ABCF2: variants seen among roughly 807,000 people sequenced by gnomAD.
The protein encoded by ABCF2 is ATP binding cassette subfamily F member 2, also known as ATP-binding cassette sub-family F member 2.
Under a neutral mutation model 76.9 loss-of-function variants are expected in ABCF2, and 37 were observed. The ratio of observed to expected loss-of-function variants is 0.48; its 90% CI spans 0.37 to 0.63. The LOEUF (loss-of-function observed/expected upper bound fraction) is 0.63, where lower values mean the gene tolerates loss of function less well. Among genes scored for constraint, ABCF2 ranks in the 30% least tolerant of loss-of-function variants. The pLI is 0.00. For missense variants in ABCF2, 524 were observed against 782.1 expected, an observed-to-expected ratio of 0.67 and a Z score of 3.94; for synonymous variants, 299 against 283.7, an observed-to-expected ratio of 1.05 and a Z score of -0.54.
chr7:151,225,086 C>G, intron 2 of ABCF2, 98 bp from the exon 3 acceptor site: 1 of 1,081,774 alleles, frequency 9.2e-7, no homozygotes, highest in South Asian at 1.3e-5. Flanking sequence ...TCCTGCTGAG[C>G]ACTCAGATGT....
At chr7:151,219,261 C>T (rs1802218983) in intron 7 of ABCF2, 102 bp from the exon 8 acceptor site, 5 of 982,616 alleles carry the variant, frequency 5.1e-6, no homozygotes, top group Non-Finnish European at 6.5e-6. Flanking sequence ...ACTAACTTGG[C>T]CCTGGCTCTA....
At chr7:151,226,664 A>C in intron 1 of ABCF2, 164 bp from the exon 2 acceptor site, 3 of 514,080 alleles carry the variant, frequency 5.8e-6, no homozygotes, top group Non-Finnish European at 6.8e-6. Flanking sequence ...TCCCAAACCA[A>C]TGCCGATTCT....
At chr7:151,218,037 A>C (rs778772811) in intron 11 of ABCF2, 44 bp downstream of exon 11, 9 of 1,390,808 alleles carry the variant, frequency 6.5e-6, no homozygotes, top group African/African-American at 2.9e-5. Context: ...TAACCATCGC[A>C]AGGCCTAATC....
chr7:151,220,326 T>C (rs1473115339), intron 7 of ABCF2, among the ~76,000 whole-genome samples: 2 of 145,442 alleles, frequency 1.4e-5, no homozygotes, highest in Admixed American at 7.1e-5. Context: ...GAGGTGGAGG[T>C]TGCAGTGAGC....
chr7:151,215,767 G>A lies in ABCF2; in HGVS notation c.1402-35C>T. ...AAATGGAAGCCACCCGGGTGTGACT[G>A]GCATCCCGCTTCAAAATAAACCCTA... is the stretch of plus-strand genomic sequence containing the variant. On this transcript the variant is annotated intron_variant, in intron 12 of 14. Transcript: ENST00000287844. This position sits in a 1 kb window ranked among gnomAD's most constrained non-coding sequence, Gnocchi z 4.6. 1.2e-6 allele frequency: 2 copies of A among 1,613,892 alleles called. No individual in the cohort carries two copies. The highest frequency in any genetic ancestry group is 1.7e-6 in the Non-Finnish European group (2 of 1,179,860).
intron 11 of ABCF2, among the ~76,000 whole-genome samples, chr7:151,216,796 G>A (rs1028650798): frequency 1.3e-5 from 2 of 152,168 alleles, no homozygotes; most frequent in Non-Finnish European, 2.9e-5. Context: ...TTACAGGTGT[G>A]AGCCACGGCA....
chr7:151,226,597 C>T lies in ABCF2; in HGVS notation c.-42-97G>A, dbSNP rs542198184. 103 of 962,652 alleles carry T rather than the reference C, an allele frequency of 1.1e-4. 1 individual carries two copies. In the South Asian group the frequency reaches 1.6e-3, roughly 15 times the overall value. 59.6% of individuals were successfully genotyped at this position (962,652 alleles called of 1,614,324 possible). A position where few individuals can be genotyped will look rare whatever the true frequency, so the allele number is the denominator to read the frequency against. On this transcript the variant is annotated intron_variant, in intron 1 of 14. Transcript: ENST00000287844. ...CTCTCAGGAATCTTCGTATCAACAT[C>T]AAGCCTCTGATGCCCTGGCCTGCCC...
Position 151,221,630 on chromosome 7 carries a change from C to A in ABCF2, c.869G>T (p.Gly290Val). 2 of 1,612,816 alleles carry A rather than the reference C, an allele frequency of 1.2e-6. No individual in the cohort carries two copies. The highest frequency in any genetic ancestry group is 1.7e-6 in the Non-Finnish European group (2 of 1,178,986). ...CATGTGAATGATATTGGTACAGACA[C>A]CATTCAGAAAATCCTGGGAATGGGA... ...LVSHSQDFLN[G>V]VCTNIIHMHN... The change falls in exon 7 of 15, where the codon GGT becomes GTT. Residue 290 changes from glycine (G) to valine (V), a missense_variant. Around this residue, in one of 2 missense-constraint regions of ABCF2, gnomAD observed 330 missense variants for 433.6 expected, o/e 0.76. Coordinates refer to ENST00000287844, the MANE Select transcript of ABCF2 (RefSeq NM_007189.3).
At chr7:151,221,747 GAA>G (rs1480212458) in intron 6 of ABCF2, 67 bp from the exon 7 acceptor site, 1 of 1,210,600 alleles carries the variant, frequency 8.3e-7, no homozygotes. Context: ...CAGGTGAACT[GAA>G]AGTCAGGCCC....
In ABCF2 at chr7:151,215,864, G is replaced by A. The variant is rs1802140279; in HGVS notation, c.1401+103C>T. On this transcript the variant is annotated intron_variant, in intron 12 of 14. Transcript: ENST00000287844. The surrounding 1 kb of genome is among the most constrained non-coding windows in gnomAD (Gnocchi z 4.6). ...GAAGCAGGTAGGAGCCACCTAGGCT[G>A]GAATTCCTGCCAGGGGGTGGGGGCG... is the stretch of plus-strand genomic sequence containing the variant. 5 of 1,585,940 alleles carry A rather than the reference G, an allele frequency of 3.2e-6. No homozygotes were observed. The South Asian group carries it at 4.5e-5, about 14-fold the overall frequency.
chr7:151,224,193 A>T, intron 3 of ABCF2, 79 bp from the exon 4 acceptor site: 1 of 1,436,968 alleles, frequency 7.0e-7, no homozygotes, highest in Non-Finnish European at 9.5e-7. Flanking sequence ...CACCCCAGTC[A>T]AACTGGGACC....
At chr7:151,223,653 G>A (rs774458104) in intron 5 of ABCF2, 25 bp downstream of exon 5, 6 of 1,569,800 alleles carry the variant, frequency 3.8e-6, no homozygotes, top group Non-Finnish European at 5.2e-6. Context: ...GAGTTATGGG[G>A]GTAGGGAAGG....
intron 11 of ABCF2, among the ~76,000 whole-genome samples, chr7:151,217,485 T>A (rs1304553286): frequency 1.3e-5 from 2 of 152,238 alleles, no homozygotes; most frequent in African/African-American, 4.8e-5. Flanking sequence ...GATGTTCCTA[T>A]ATTCTAAATG....
Position 151,222,032 on chromosome 7 carries a change from T to TA in ABCF2, c.819-353dup, listed in dbSNP as rs545907603. 2.7e-3 allele frequency: 569 copies of TA among 208,340 alleles called. 5 individuals are homozygous for TA. The highest frequency in any genetic ancestry group is 0.013 in the African/African-American group (543 of 43,052). 12.9% of individuals were successfully genotyped at this position (208,340 alleles called of 1,614,324 possible). ...GTGGGAAGAACTGGTACAGACACAA[T>TA]AAAAAACAAAATGCTTTACTTTTTG... On this transcript the variant is annotated intron_variant, in intron 6 of 14. Transcript: ENST00000287844.
chr7:151,221,633 T>C lies in ABCF2; in HGVS notation c.866A>G (p.Asn289Ser), dbSNP rs1435284644. The change falls in exon 7 of 15, where the codon AAT (asparagine) becomes AGT (serine). Residue 289 changes from asparagine (N) to serine (S), a missense_variant. By Grantham distance (46) the Asn-to-Ser change is conservative. Transcript: ENST00000287844. ...VLVSHSQDFLNGVCTNIIHMH... is the reference protein window; with the variant it reads ...VLVSHSQDFLSGVCTNIIHMH... ...GTGAATGATATTGGTACAGACACCA[T>C]TCAGAAAATCCTGGGAATGGGAGAC... 4 of 1,612,432 alleles carry C rather than the reference T, an allele frequency of 2.5e-6. No individual in the cohort carries two copies. Among genetic ancestry groups the C allele is most frequent in the Non-Finnish European group, 3.4e-6 (4 of 1,178,828 alleles).
At chr7:151,219,004 T>C (rs1802211260) in intron 8 of ABCF2, 60 bp downstream of exon 8, 1 of 1,603,880 alleles carries the variant, frequency 6.2e-7, no homozygotes, top group Admixed American at 1.7e-5. Flanking sequence ...AATGCCCTCA[T>C]CCGAGCCCCC....
chr7:151,223,453 CTG>C (rs1288329596), intron 5 of ABCF2, among the ~76,000 whole-genome samples: 13 of 152,210 alleles, frequency 8.5e-5, no homozygotes, highest in African/African-American at 3.1e-4. Flanking sequence ...TCTCTAAACT[CTG>C]TGCTGGGTGC....
Position 151,215,163 on chromosome 7 carries a change from G to T in ABCF2, c.1531-81C>A, listed in dbSNP as rs1180146802. Reference sequence around the variant, plus strand: ...GCTCATCTCTCCCTCATTTCTCCCTGACTCCTCCATTAGCATCGCCATTTA... The same window carrying T: ...GCTCATCTCTCCCTCATTTCTCCCTTACTCCTCCATTAGCATCGCCATTTA... On this transcript the variant is annotated intron_variant, in intron 13 of 14. Transcript: ENST00000287844. This position sits in a 1 kb window ranked among gnomAD's most constrained non-coding sequence, Gnocchi z 4.6. 3 of 1,313,360 alleles carry T rather than the reference G, an allele frequency of 2.3e-6. No individual in the cohort carries two copies. Among genetic ancestry groups the T allele is most frequent in the East Asian group, 5.0e-5 (2 of 39,774 alleles). 81.4% of individuals were successfully genotyped at this position (1,313,360 alleles called of 1,614,324 possible).
intron 3 of ABCF2, 48 bp downstream of exon 3, chr7:151,224,728 A>C: frequency 6.6e-7 from 1 of 1,520,426 alleles, no homozygotes; most frequent in Non-Finnish European, 9.1e-7. Flanking sequence ...TGTGAGTGAC[A>C]GATGAGCTAA....
Sources: gnomAD v4.1 joint callset for allele counts (sites outside exome capture counted in the v4.1 genomes callset) on GRCh38, gnomAD v4.1.1 for gene constraint, gnomAD v4.1.1 regional missense constraint, Gnocchi (gnomAD v3.1) non-coding constraint, MANE v1.5 for transcripts, NCBI Gene and HGNC (gene_info 2026-07-23, HGNC 2026-07-21) for gene names.